SLC25A33: variants seen among roughly 807,000 people sequenced by gnomAD.
SLC25A33 encodes solute carrier family 25 member 33.
In SLC25A33, 15 loss-of-function variants were observed where a neutral mutation model predicts 35.5. That is an observed-to-expected ratio of 0.42 (90% CI 0.28 to 0.65). The LOEUF (loss-of-function observed/expected upper bound fraction) is 0.65. Ranked by LOEUF, SLC25A33 falls within the 30% of genes least tolerant of loss-of-function variation. The pLI, the probability that SLC25A33 is intolerant of heterozygous loss-of-function variation, is 0.20. For synonymous variants in SLC25A33, 136 were observed against 148.7 expected (o/e 0.91, Z 0.62); for missense variants, 257 against 398.5 (o/e 0.64, Z 3.02).
chr1:9,541,441 G>A lies in SLC25A33; in HGVS notation c.56+1694G>A, dbSNP rs574823200. Among the ~76,000 whole-genome samples, 130 of 152,222 alleles carry A rather than the reference G, an allele frequency of 8.5e-4. 1 individual carries two copies. The highest frequency in any genetic ancestry group is 1.6e-3 in the Non-Finnish European group (107 of 68,008). ...TGGGATTACAAGTGTGAGCCACTGC[G>A]CCCGGCCACGCCCAGCTAATTTTTT... On this transcript the variant is annotated intron_variant, in intron 1 of 6. Coordinates refer to ENST00000302692, the MANE Select transcript of SLC25A33 (RefSeq NM_032315.3).
At chr1:9,563,208 G>T (rs780686298) in intron 2 of SLC25A33, among the ~76,000 whole-genome samples, 1 of 152,140 alleles carries the variant, frequency 6.6e-6, no homozygotes, top group Non-Finnish European at 1.5e-5. Context: ...ACAGGCATGA[G>T]CCACCGCGCC....
chr1:9,567,568 A>G (rs1011137736), intron 3 of SLC25A33, among the ~76,000 whole-genome samples: 6 of 152,228 alleles, frequency 3.9e-5, no homozygotes, highest in African/African-American at 1.4e-4. Flanking sequence ...TATTCTTTAT[A>G]TTCTTAAGTG....
intron 1 of SLC25A33, among the ~76,000 whole-genome samples, chr1:9,548,418 C>G (rs1643211793): frequency 6.6e-6 from 1 of 152,068 alleles, no homozygotes; most frequent in Admixed American, 6.6e-5. Flanking sequence ...CCTGTCTCTA[C>G]TAAAAATACA....
At position 9,582,907 on chromosome 1, in the gene SLC25A33, C is replaced by G; in HGVS notation, c.*406C>G. On this transcript the variant is annotated 3_prime_UTR_variant, in exon 7 of 7. Coordinates refer to ENST00000302692, the MANE Select transcript of SLC25A33 (RefSeq NM_032315.3). This position sits in a 1 kb window ranked among gnomAD's most constrained non-coding sequence, Gnocchi z 4.0. ...TTGTTTTATAATCTGACTTTAAGAT[C>G]TTGCACTGCTAGACAGGGAAGAAGT... 1 of 181,170 alleles carries G rather than the reference C, an allele frequency of 5.5e-6. No homozygotes were observed. The allele number at this position is 181,170 out of a possible 1,614,324, so 11.2% of individuals were successfully genotyped here.
chr1:9,580,862 AAAAAATAAT>A (rs748188735), intron 6 of SLC25A33, among the ~76,000 whole-genome samples: 2,833 of 125,880 alleles, frequency 0.023, 55 homozygotes, highest in Non-Finnish European at 0.034. Context: ...CTCAAAAAAA[AAAAAATAAT>A]AATAATAATA....
intron 5 of SLC25A33, among the ~76,000 whole-genome samples, chr1:9,574,037 C>T (rs969800573): frequency 4.6e-5 from 7 of 151,410 alleles, no homozygotes; most frequent in African/African-American, 1.7e-4. Context: ...GTTGCCGAAG[C>T]TGAAGTGCAG....
At chr1:9,565,850 C>A (rs1643493982) in intron 2 of SLC25A33, among the ~76,000 whole-genome samples, 1 of 151,150 alleles carries the variant, frequency 6.6e-6, no homozygotes, top group African/African-American at 2.4e-5. Flanking sequence ...TGCATTCCAG[C>A]CTGGGTGACA....
chr1:9,564,737 A>ATATATATATATATATATAT (rs1396734975), intron 2 of SLC25A33, among the ~76,000 whole-genome samples: 3 of 72,758 alleles, frequency 4.1e-5, no homozygotes, highest in Non-Finnish European at 7.3e-5. Flanking sequence ...AAAAAAAAAA[A>ATATATATATATATATATAT]AAATATATAT....
At chr1:9,552,058 G>A (rs1489522412) in intron 1 of SLC25A33, among the ~76,000 whole-genome samples, 1 of 152,158 alleles carries the variant, frequency 6.6e-6, no homozygotes, top group Non-Finnish European at 1.5e-5. Flanking sequence ...TATTTAAATA[G>A]TAATTCAGGT....
intron 2 of SLC25A33, among the ~76,000 whole-genome samples, chr1:9,564,737 AAAATATATATAT>A (rs963433293): frequency 1.1e-4 from 8 of 72,734 alleles, no homozygotes; most frequent in African/African-American, 3.7e-4. Flanking sequence ...AAAAAAAAAA[AAAATATATATAT>A]ATATATATAT....
In SLC25A33 at chr1:9,582,574, T is replaced by C; in HGVS notation, c.*73T>C. 6.9e-7 allele frequency: 1 copy of C among 1,458,616 alleles called. No individual in the cohort carries two copies. Among genetic ancestry groups the C allele is most frequent in the East Asian group, 2.5e-5 (1 of 40,286 alleles). The allele number at this position is 1,458,616 out of a possible 1,614,324, so 90.4% of individuals were successfully genotyped here. A position where few individuals can be genotyped will look rare whatever the true frequency, so the allele number is the denominator to read the frequency against. On this transcript the variant is annotated 3_prime_UTR_variant, in exon 7 of 7. Coordinates refer to ENST00000302692, the MANE Select transcript of SLC25A33 (RefSeq NM_032315.3). The surrounding 1 kb of genome is among the most constrained non-coding windows in gnomAD (Gnocchi z 4.0). The stretch of plus-strand genomic sequence containing the variant: ...AGAATTTTTTTTCCCCATTGATGTT[T>C]AGAAAGTTTGAGACTGAAACAGGAA...
At chr1:9,562,367 T>A (rs1643435676) in intron 2 of SLC25A33, among the ~76,000 whole-genome samples, 2 of 139,072 alleles carry the variant, frequency 1.4e-5, no homozygotes, top group Non-Finnish European at 3.1e-5. Context: ...AAAAAAAAAA[T>A]TAGCAGGACG....
At chr1:9,550,559 T>A (rs562401155) in intron 1 of SLC25A33, among the ~76,000 whole-genome samples, 57 of 152,318 alleles carry the variant, frequency 3.7e-4, no homozygotes, top group African/African-American at 1.3e-3. Context: ...TCTCAGTATC[T>A]TTAAATGTTA....
intron 4 of SLC25A33, among the ~76,000 whole-genome samples, chr1:9,572,609 C>A (rs981555177): frequency 6.6e-6 from 1 of 151,950 alleles, no homozygotes; most frequent in African/African-American, 2.4e-5. Context: ...GAGCAAGACT[C>A]CCATCTCAAA....
chr1:9,552,777 A>G (rs1456575177), intron 1 of SLC25A33, among the ~76,000 whole-genome samples: 1 of 152,150 alleles, frequency 6.6e-6, no homozygotes, highest in Non-Finnish European at 1.5e-5. Flanking sequence ...AAGCAGGTGC[A>G]TAATTTGCCA....
At chr1:9,566,493 G>T (rs1643507902) in intron 2 of SLC25A33, among the ~76,000 whole-genome samples, 1 of 152,168 alleles carries the variant, frequency 6.6e-6, no homozygotes, top group Non-Finnish European at 1.5e-5. Context: ...GGCACCCTCT[G>T]CCAGATACTC....
intron 1 of SLC25A33, among the ~76,000 whole-genome samples, chr1:9,550,013 T>TA (rs1237314230): frequency 0.031 from 878 of 28,566 alleles, 50 homozygotes; most frequent in African/African-American, 0.087. Flanking sequence ...ATATATATAT[T>TA]TTTTTTTTTT....
chr1:9,562,715 G>A (rs1643440741), intron 2 of SLC25A33, among the ~76,000 whole-genome samples: 1 of 151,150 alleles, frequency 6.6e-6, no homozygotes, highest in Admixed American at 6.6e-5. Context: ...TTAGCTGGGC[G>A]TAGTGGCGGG....
rs1055199733 is a variant in SLC25A33, at chr1:9,582,215, A to G, written c.764-84A>G. On this transcript the variant is annotated intron_variant, in intron 6 of 6. Coordinates refer to ENST00000302692, the MANE Select transcript of SLC25A33 (RefSeq NM_032315.3). This position sits in a 1 kb window ranked among gnomAD's most constrained non-coding sequence, Gnocchi z 4.0. ...AGGTGTGAGCCACCGCACCCGGCCTAACCTTGACAGTTTTAAAGTTGTGTG... is the reference window on the plus strand; with the variant it reads ...AGGTGTGAGCCACCGCACCCGGCCTGACCTTGACAGTTTTAAAGTTGTGTG... The G allele has an allele frequency of 1.3e-6, 2 of 1,493,614 alleles. No homozygotes were observed. The highest frequency in any genetic ancestry group is 1.4e-5 in the African/African-American group (1 of 72,358). 92.5% of individuals were successfully genotyped at this position (1,493,614 alleles called of 1,614,324 possible).
Sources: allele counts gnomAD v4.1 joint callset (sites outside exome capture counted in the v4.1 genomes callset), GRCh38; gene constraint gnomAD v4.1.1; non-coding constraint Gnocchi (gnomAD v3.1); transcripts MANE v1.5; gene names NCBI Gene and HGNC (gene_info 2026-07-23, HGNC 2026-07-21).